SKA2: variants seen among roughly 807,000 people sequenced by gnomAD.
SKA2 encodes spindle and kinetochore associated complex subunit 2.
A neutral mutation model predicts 16.9 loss-of-function variants in SKA2; 13 were observed. The observed-to-expected ratio is 0.77, with a 90% CI of 0.50 to 1.22. The LOEUF (loss-of-function observed/expected upper bound fraction) is 1.22. Ranked by LOEUF, SKA2 falls within the 50% of genes most tolerant of loss-of-function variation. The probability of loss-of-function intolerance (pLI) is 0.00; values close to 1 mark genes in which losing one functional copy is unlikely to be tolerated. For synonymous variants in SKA2, 47 were observed against 48.5 expected (o/e 0.97, Z 0.13); for missense variants, 107 against 139.7 (o/e 0.77, Z 1.18).
intron 1 of SKA2, among the ~76,000 whole-genome samples, chr17:59,139,081 TG>T (rs2046467444): frequency 1.3e-5 from 2 of 152,128 alleles, no homozygotes; most frequent in African/African-American, 4.8e-5. Context: ...AGGTGTGTTC[TG>T]GACTTACTAA....
At chr17:59,147,631 T>C (rs1316766012) in intron 1 of SKA2, among the ~76,000 whole-genome samples, 1 of 152,002 alleles carries the variant, frequency 6.6e-6, no homozygotes, top group East Asian at 1.9e-4. Flanking sequence ...TCTACTTTTT[T>C]TTTTTTAATT....
chr17:59,142,785 G>A (rs983857598), intron 1 of SKA2, among the ~76,000 whole-genome samples: 1 of 151,616 alleles, frequency 6.6e-6, no homozygotes, highest in African/African-American at 2.4e-5. Flanking sequence ...AAATTAGTCA[G>A]GTGTGGTGGT....
intron 3 of SKA2, among the ~76,000 whole-genome samples, chr17:59,117,051 G>A (rs1180736772): frequency 6.6e-6 from 1 of 151,738 alleles, no homozygotes. Flanking sequence ...TCCTGGCCTC[G>A]TAATCCTCCC....
intron 1 of SKA2, among the ~76,000 whole-genome samples, chr17:59,142,254 G>A (rs1008841147): frequency 1.3e-5 from 2 of 150,792 alleles, no homozygotes; most frequent in South Asian, 2.1e-4. Flanking sequence ...GTTATTGCAC[G>A]AATATTCAGA....
In SKA2 at chr17:59,112,061, A is replaced by T. The variant is rs891817942; in HGVS notation, c.*216T>A. On this transcript the variant is annotated 3_prime_UTR_variant, in exon 4 of 4. Transcript: ENST00000330137. Reference sequence around the variant, plus strand: ...TGTGTACATATATTTAAATCGTTTTATTCTCATTTGATCCTTTTGGCTGAA... The same window carrying T: ...TGTGTACATATATTTAAATCGTTTTTTTCTCATTTGATCCTTTTGGCTGAA... 13 of 539,912 alleles carry T rather than the reference A, an allele frequency of 2.4e-5. No individual in the cohort carries two copies. The highest frequency in any genetic ancestry group is 4.0e-5 in the Non-Finnish European group (12 of 298,484). The allele number at this position is 539,912 out of a possible 1,614,324, so 33.4% of individuals were successfully genotyped here.
Position 59,119,307 on chromosome 17 carries a change from T to C in SKA2, c.297+12A>G, listed in dbSNP as rs765527610. ...AGCTAAACAAATCTAACCTGTCAACTGAAAGCATTACCTCCAGGTCTGTTT... is the reference window on the plus strand; with the variant it reads ...AGCTAAACAAATCTAACCTGTCAACCGAAAGCATTACCTCCAGGTCTGTTT... On this transcript the variant is annotated intron_variant, in intron 3 of 3. Transcript: ENST00000330137. 6.2e-7 allele frequency: 1 copy of C among 1,612,906 alleles called. No homozygotes were observed. Among genetic ancestry groups the C allele is most frequent in the Non-Finnish European group, 8.5e-7 (1 of 1,179,136 alleles).
chr17:59,144,349 T>C (rs531956153), intron 1 of SKA2, among the ~76,000 whole-genome samples: 18 of 152,204 alleles, frequency 1.2e-4, no homozygotes, highest in African/African-American at 4.3e-4. Context: ...GAAAACAGTA[T>C]GGTGGCTTCT....
chr17:59,135,724 A>G (rs926010582), intron 1 of SKA2, among the ~76,000 whole-genome samples: 10 of 150,660 alleles, frequency 6.6e-5, no homozygotes, highest in African/African-American at 1.9e-4. Flanking sequence ...TTTCTACCAC[A>G]CCCATCCTGA....
chr17:59,128,757 G>A (rs1243946033), intron 2 of SKA2, among the ~76,000 whole-genome samples: 1 of 152,178 alleles, frequency 6.6e-6, no homozygotes, highest in Non-Finnish European at 1.5e-5. Flanking sequence ...GTCTTTGGGA[G>A]CTTGCAGGAT....
rs2046266393 is a variant in SKA2 at position 59,111,965 on chromosome 17, G to T, written c.*312C>A. On this transcript the variant is annotated 3_prime_UTR_variant, in exon 4 of 4. Transcript: ENST00000330137. ...TCTATATTATCATGACTTAGAAAAA[G>T]AAAACAGATGCAAAATAGTGTTGAG... 1 of 259,034 alleles carries T rather than the reference G, an allele frequency of 3.9e-6. No homozygotes were observed. Among genetic ancestry groups the T allele is most frequent in the Non-Finnish European group, 7.7e-6 (1 of 129,448 alleles). 16.0% of individuals were successfully genotyped at this position (259,034 alleles called of 1,614,324 possible).
intron 1 of SKA2, among the ~76,000 whole-genome samples, chr17:59,141,222 C>T (rs147927650): frequency 1.8e-4 from 27 of 151,934 alleles, no homozygotes; most frequent in African/African-American, 6.5e-4. Context: ...CATGGTGAAA[C>T]CTTGTTTCTA....
At chr17:59,121,334 A>G (rs2046332243) in intron 2 of SKA2, among the ~76,000 whole-genome samples, 1 of 152,036 alleles carries the variant, frequency 6.6e-6, no homozygotes, top group South Asian at 2.1e-4. Flanking sequence ...GAATAAAACA[A>G]AGGGAAGTAC....
At chr17:59,129,813 C>A (rs1329363647) in intron 2 of SKA2, among the ~76,000 whole-genome samples, 2 of 149,146 alleles carry the variant, frequency 1.3e-5, no homozygotes, top group African/African-American at 4.9e-5. Context: ...CAAGATCACA[C>A]CCCTGAACTC....
chr17:59,152,696 G>A (rs1278725181), intron 1 of SKA2, among the ~76,000 whole-genome samples: 3 of 151,872 alleles, frequency 2.0e-5, no homozygotes, highest in Non-Finnish European at 2.9e-5. Flanking sequence ...AAATAAACTG[G>A]TCCACAAGTA....
At chr17:59,132,162 C>T (rs2046415482) in intron 1 of SKA2, among the ~76,000 whole-genome samples, 1 of 151,894 alleles carries the variant, frequency 6.6e-6, no homozygotes, top group African/African-American at 2.4e-5. Context: ...TTGAGACCAG[C>T]CTGGCTAACA....
At chr17:59,142,927 C>CAAAAAA (rs111796693) in intron 1 of SKA2, among the ~76,000 whole-genome samples, 5 of 60,318 alleles carry the variant, frequency 8.3e-5, no homozygotes, top group Non-Finnish European at 1.4e-4. Flanking sequence ...AACCCCATCT[C>CAAAAAA]AAAAAAAAAA....
intron 2 of SKA2, among the ~76,000 whole-genome samples, chr17:59,120,849 C>A (rs2046327543): frequency 6.6e-6 from 1 of 152,058 alleles, no homozygotes; most frequent in Admixed American, 6.6e-5. Context: ...TTCAACCAAA[C>A]CACTCATCAA....
chr17:59,151,564 A>T (rs970089697), intron 1 of SKA2, among the ~76,000 whole-genome samples: 1 of 152,188 alleles, frequency 6.6e-6, no homozygotes, highest in African/African-American at 2.4e-5. Context: ...AGTTGTGAAA[A>T]ATATTTTTGT....
intron 3 of SKA2, among the ~76,000 whole-genome samples, chr17:59,112,791 T>C (rs986571611): frequency 5.3e-5 from 8 of 152,188 alleles, no homozygotes; most frequent in African/African-American, 1.4e-4. Flanking sequence ...AGATTACTTA[T>C]ATACCTAATA....
Sources: gnomAD v4.1 joint callset for allele counts (sites outside exome capture counted in the v4.1 genomes callset) on GRCh38, gnomAD v4.1.1 for gene constraint, MANE v1.5 for transcripts, NCBI Gene and HGNC (gene_info 2026-07-23, HGNC 2026-07-21) for gene names.